The following CCDC85A variants were observed in gnomAD, a reference collection of about 807,000 sequenced individuals.
CCDC85A encodes coiled-coil domain-containing protein 85A.
A neutral mutation model predicts 50.2 loss-of-function variants in CCDC85A; 38 were observed. That is an observed-to-expected ratio of 0.76 (90% CI 0.58 to 0.99). The LOEUF (loss-of-function observed/expected upper bound fraction) is 0.99. CCDC85A is among the 50% of genes least tolerant of loss of function. The pLI is 0.00. For missense variants in CCDC85A, 820 were observed against 742.0 expected (o/e 1.11, Z -1.22); for synonymous variants, 366 against 301.4 (o/e 1.21, Z -2.22).
At chr2:56,351,956 G>T (rs893835981) in intron 3 of CCDC85A, among the ~76,000 whole-genome samples, 36 of 145,376 alleles carry the variant, frequency 2.5e-4, no homozygotes, top group Non-Finnish European at 4.2e-4. Flanking sequence ...GTAATGCCTA[G>T]GTTTTCTTCT....
At chr2:56,344,639 T>TAAA (rs1674541441) in intron 3 of CCDC85A, among the ~76,000 whole-genome samples, 1 of 152,186 alleles carries the variant, frequency 6.6e-6, no homozygotes, top group South Asian at 2.1e-4. Flanking sequence ...CTCTTTGCTC[T>TAAA]TCATTGTTTT....
intron 2 of CCDC85A, among the ~76,000 whole-genome samples, chr2:56,193,927 T>C (rs766839643): frequency 5.3e-5 from 8 of 152,204 alleles, no homozygotes; most frequent in Non-Finnish European, 7.3e-5. Flanking sequence ...AAAAGAAGTA[T>C]GATGTTCCTA....
At chr2:56,216,709 T>G (rs1048077366) in intron 2 of CCDC85A, among the ~76,000 whole-genome samples, 4 of 151,378 alleles carry the variant, frequency 2.6e-5, no homozygotes, top group Non-Finnish European at 4.4e-5. Flanking sequence ...TTTTATTTTT[T>G]ATTTGAACTT....
At chr2:56,277,086 C>CT (rs1670984493) in intron 2 of CCDC85A, among the ~76,000 whole-genome samples, 1 of 152,140 alleles carries the variant, frequency 6.6e-6, no homozygotes, top group South Asian at 2.1e-4. Context: ...TCTGATTATT[C>CT]TTTTTTTGCT....
At position 56,193,138 on chromosome 2, in the gene CCDC85A, G is replaced by C. The variant is rs758461590; in HGVS notation, c.938G>C (p.Ser313Thr). 2.5e-6 allele frequency: 4 copies of C among 1,612,444 alleles called. No individual in the cohort carries two copies. The East Asian group carries it at 8.9e-5, about 36-fold the overall frequency. Reference protein sequence around the residue: ...ETLPKHVLSGSPEHFQKHRSG... With the variant: ...ETLPKHVLSGTPEHFQKHRSG... ...CTGCCCAAGCACGTGCTGAGTGGGAGCCCGGAACACTTCCAGAAGCACCGG... is the reference window on the plus strand; with the variant it reads ...CTGCCCAAGCACGTGCTGAGTGGGACCCCGGAACACTTCCAGAAGCACCGG... Residue 313 changes from serine to threonine, a missense_variant, in exon 2 of 6, where the codon AGC (serine) becomes ACC (threonine). By Grantham distance (58) the Ser-to-Thr change is moderately conservative (BLOSUM62 1). Transcript: ENST00000407595.
chr2:56,378,433 A>G (rs909592167), intron 5 of CCDC85A, among the ~76,000 whole-genome samples: 1 of 152,244 alleles, frequency 6.6e-6, no homozygotes, highest in Admixed American at 6.5e-5. Flanking sequence ...ACTGATTTGA[A>G]GTACACTTCT....
At chr2:56,234,291 GT>G (rs1238677118) in intron 2 of CCDC85A, among the ~76,000 whole-genome samples, 1 of 152,078 alleles carries the variant, frequency 6.6e-6, no homozygotes, top group Admixed American at 6.5e-5. Context: ...TGCTAACTTT[GT>G]TTTTGTCTTT....
chr2:56,277,379 C>G lies in CCDC85A; in HGVS notation c.1241-65500C>G, dbSNP rs1035158116. ...AACCCAAAACGTCCTTCATTTTCTT[C>G]TCTTCTTCTTTAAGTTAAGCCCCTT... On this transcript the variant is annotated intron_variant, in intron 2 of 5. Transcript: ENST00000407595. 2.0e-5 allele frequency among the ~76,000 whole-genome samples: 3 copies of G among 152,038 alleles called. No individual in the cohort carries two copies. In the East Asian group the frequency reaches 5.8e-4, roughly 29 times the overall value.
intron 2 of CCDC85A, among the ~76,000 whole-genome samples, chr2:56,272,522 C>G (rs1470345294): frequency 6.6e-6 from 1 of 152,152 alleles, no homozygotes; most frequent in Non-Finnish European, 1.5e-5. Context: ...ACCTCCCATT[C>G]TTTTCTTATA....
intron 3 of CCDC85A, among the ~76,000 whole-genome samples, chr2:56,343,667 T>G (rs1674486722): frequency 6.6e-6 from 1 of 152,230 alleles, no homozygotes; most frequent in South Asian, 2.1e-4. Context: ...TGGTTTCCTT[T>G]TCAAGCATGT....
chr2:56,251,183 C>T lies in CCDC85A; in HGVS notation c.1240+57743C>T, dbSNP rs537799876. 3.9e-5 allele frequency among the ~76,000 whole-genome samples: 6 copies of T among 152,248 alleles called. No homozygotes were observed. In the South Asian group the frequency reaches 1.2e-3, roughly 32 times the overall value. On this transcript the variant is annotated intron_variant, in intron 2 of 5. Transcript: ENST00000407595. The stretch of plus-strand genomic sequence containing the variant: ...CTTTGGGTGAACAAAGGGTATGGGT[C>T]GCTTTAGACCTTTCTTAAGGCAGCC...
intron 2 of CCDC85A, among the ~76,000 whole-genome samples, chr2:56,250,756 GTC>G (rs1478336447): frequency 1.3e-5 from 2 of 152,158 alleles, no homozygotes; most frequent in Non-Finnish European, 2.9e-5. Context: ...AAACAATCAA[GTC>G]TCTGTTCATT....
At position 56,254,211 on chromosome 2, in the gene CCDC85A, A is replaced by G. The variant is rs888389242; in HGVS notation, c.1240+60771A>G. On this transcript the variant is annotated intron_variant, in intron 2 of 5. Transcript: ENST00000407595. ...TGAGAAAGGCTGTTAAATTTGATGA[A>G]TGTGAAAAAATTAATACCTACCTCC... Among the ~76,000 whole-genome samples the G allele has an allele frequency of 8.5e-5, 13 of 152,202 alleles. 1 individual carries two copies. Among genetic ancestry groups the G allele is most frequent in the African/African-American group, 2.9e-4 (12 of 41,526 alleles).
chr2:56,282,185 T>C (rs1295884463), intron 2 of CCDC85A, among the ~76,000 whole-genome samples: 3 of 152,152 alleles, frequency 2.0e-5, no homozygotes, highest in Non-Finnish European at 4.4e-5. Flanking sequence ...CTTTCCTCCA[T>C]TGAATTACCT....
At chr2:56,359,887 T>A (rs569666642) in intron 3 of CCDC85A, among the ~76,000 whole-genome samples, 1 of 152,324 alleles carries the variant, frequency 6.6e-6, no homozygotes, top group African/African-American at 2.4e-5. Flanking sequence ...TTCTGCAGCA[T>A]CTGTTCATTG....
chr2:56,212,694 C>T (rs1677227671), intron 2 of CCDC85A, among the ~76,000 whole-genome samples: 3 of 151,974 alleles, frequency 2.0e-5, no homozygotes, highest in Non-Finnish European at 4.4e-5. Context: ...GCACTGGTGA[C>T]ACATTTCTTA....
chr2:56,236,914 A>G (rs1387127141), intron 2 of CCDC85A, among the ~76,000 whole-genome samples: 3 of 152,270 alleles, frequency 2.0e-5, no homozygotes, highest in South Asian at 4.1e-4. Context: ...GGAAGTAACA[A>G]GGTAGGGCCC....
rs551583315 is a variant in CCDC85A, at chr2:56,184,205, G to A, written c.-420G>A. On this transcript the variant is annotated 5_prime_UTR_variant, in exon 1 of 6. The change creates a new upstream start codon in the 5' untranslated region. Coordinates refer to ENST00000407595, the MANE Select transcript of CCDC85A (RefSeq NM_001080433.2). The stretch of plus-strand genomic sequence containing the variant: ...AGCTGGGCAAGGGGGAGGAAAGTGC[G>A]TGTGCGTGCACGCCTGTGTGCAGGG... 2.0e-5 allele frequency: 20 copies of A among 989,376 alleles called. No homozygotes were observed. The Admixed American group carries it at 6.1e-4, about 30-fold the overall frequency. The allele number at this position is 989,376 out of a possible 1,614,324, so 61.3% of individuals were successfully genotyped here.
At chr2:56,215,419 A>G (rs1238407997) in intron 2 of CCDC85A, among the ~76,000 whole-genome samples, 1 of 151,882 alleles carries the variant, frequency 6.6e-6, no homozygotes, top group Non-Finnish European at 1.5e-5. Context: ...AAGACTTTAA[A>G]TACGGGATTG....
Sources: allele counts gnomAD v4.1 joint callset (sites outside exome capture counted in the v4.1 genomes callset), GRCh38; gene constraint gnomAD v4.1.1; transcripts MANE v1.5; gene names NCBI Gene and HGNC (gene_info 2026-07-23, HGNC 2026-07-21).